The following IQGAP2 variants were observed in gnomAD, a reference collection of about 807,000 sequenced individuals.
IQGAP2 encodes the protein ras GTPase-activating-like protein IQGAP2.
In IQGAP2, 173 loss-of-function variants were observed where a neutral mutation model predicts 201.3. The ratio of observed to expected loss-of-function variants is 0.86; its 90% confidence interval spans 0.76 to 0.98. IQGAP2 has a LOEUF of 0.98. Among genes scored for constraint, IQGAP2 ranks in the 50% least tolerant of loss-of-function variants. The pLI, the probability that IQGAP2 is intolerant of heterozygous loss-of-function variation, is 0.00. For missense variants in IQGAP2, 1,687 were observed against 1,864.8 expected, an observed-to-expected ratio of 0.90 and a Z score of 1.76; for synonymous variants, 675 against 673.9, an observed-to-expected ratio of 1.00 and a Z score of -0.03.
chr5:76,583,713 A>G (rs1441036286), intron 5 of IQGAP2, among the ~76,000 whole-genome samples: 1 of 152,220 alleles, frequency 6.6e-6, no homozygotes, highest in Non-Finnish European at 1.5e-5. Flanking sequence ...ACATTGTACA[A>G]TGGAGAAATT....
At chr5:76,699,077 A>C (rs1747017446) in intron 33 of IQGAP2, among the ~76,000 whole-genome samples, 2 of 152,188 alleles carry the variant, frequency 1.3e-5, no homozygotes, top group Non-Finnish European at 2.9e-5. Context: ...TCAAAAAAAA[A>C]CTGATTCCTC....
At chr5:76,405,918 T>C (rs891986177) in intron 1 of IQGAP2, among the ~76,000 whole-genome samples, 1 of 152,248 alleles carries the variant, frequency 6.6e-6, no homozygotes, top group Non-Finnish European at 1.5e-5. Flanking sequence ...CATTTAAAAA[T>C]AAAGTAGCAA....
At chr5:76,508,937 G>C (rs1381017616) in intron 2 of IQGAP2, among the ~76,000 whole-genome samples, 1 of 151,934 alleles carries the variant, frequency 6.6e-6, no homozygotes, top group Non-Finnish European at 1.5e-5. Context: ...TAAGTATCCT[G>C]ATCCTCTCGG....
At chr5:76,654,153 TTC>T in intron 18 of IQGAP2, 45 bp from the exon 19 acceptor site, 1 of 1,338,890 alleles carries the variant, frequency 7.5e-7, no homozygotes, top group Non-Finnish European at 1.1e-6. Context: ...ACTTTGACTT[TTC>T]TCTTTATTTT....
chr5:76,675,444 G>A (rs1323757864), intron 27 of IQGAP2, among the ~76,000 whole-genome samples: 1 of 152,196 alleles, frequency 6.6e-6, no homozygotes, highest in African/African-American at 2.4e-5. Context: ...ATGTGAATAT[G>A]TTCTGTTCTA....
At chr5:76,591,194 G>A (rs1726003988) in intron 8 of IQGAP2, among the ~76,000 whole-genome samples, 1 of 152,180 alleles carries the variant, frequency 6.6e-6, no homozygotes, top group Non-Finnish European at 1.5e-5. Context: ...TGTAGAAGTA[G>A]CAACTCATGA....
At chr5:76,610,076 C>CTCTCTCTCTCTATATA (rs1326468006) in intron 12 of IQGAP2, among the ~76,000 whole-genome samples, 1 of 18,700 alleles carries the variant, frequency 5.3e-5, no homozygotes, top group Non-Finnish European at 9.6e-5. Context: ...CTCTCTCTCT[C>CTCTCTCTCTCTATATA]TATATATATA....
chr5:76,606,244 G>T lies in IQGAP2; in HGVS notation c.1298G>T (p.Trp433Leu). The T allele has an allele frequency of 6.2e-7, 1 of 1,604,492 alleles. No homozygotes were observed. The highest frequency in any genetic ancestry group is 2.2e-5 in the East Asian group (1 of 44,604). The change falls in exon 12 of 36, where the codon TGG becomes TTG. Residue 433 changes from tryptophan (W) to leucine (L), a missense_variant. Coordinates refer to ENST00000274364, the MANE Select transcript of IQGAP2 (RefSeq NM_006633.5). ...VLSQGQDNLSWNEIQNCIDMV... is the reference protein window; with the variant it reads ...VLSQGQDNLSLNEIQNCIDMV... ...TCCCAAGGGCAAGATAACTTAAGCT[G>T]GAATGAAATTCAGAATTGTATTGAT...
At chr5:76,628,858 G>T (rs1047204130) in intron 14 of IQGAP2, 4 of 331,908 alleles carry the variant, frequency 1.2e-5, no homozygotes, top group Non-Finnish European at 2.4e-5. Context: ...GTGTATATAA[G>T]AAATTTCAAC....
intron 2 of IQGAP2, among the ~76,000 whole-genome samples, chr5:76,553,910 T>C (rs2150240058): frequency 6.6e-6 from 1 of 152,306 alleles, no homozygotes; most frequent in East Asian, 1.9e-4. Flanking sequence ...TTTCTGTGGA[T>C]TTTTAGGCCA....
At chr5:76,596,689 A>G (rs935032180) in intron 9 of IQGAP2, among the ~76,000 whole-genome samples, 2 of 152,192 alleles carry the variant, frequency 1.3e-5, no homozygotes, top group Non-Finnish European at 2.9e-5. Flanking sequence ...AGCAGGAGGA[A>G]TAGAGAGAAG....
chr5:76,564,379 G>T (rs1019619181), intron 3 of IQGAP2, among the ~76,000 whole-genome samples: 7 of 152,184 alleles, frequency 4.6e-5, no homozygotes, highest in Non-Finnish European at 1.0e-4. Context: ...AAGCGTAGTT[G>T]GGGTAGGCTC....
chr5:76,665,265 C>G, intron 22 of IQGAP2, 90 bp downstream of exon 22: 2 of 1,097,458 alleles, frequency 1.8e-6, no homozygotes, highest in Non-Finnish European at 2.7e-6. Context: ...CATGCTTCAG[C>G]TATAATAGCA....
rs191977459 is a variant in IQGAP2, at chr5:76,603,221, C to T, written c.1232+2249C>T. Among the ~76,000 whole-genome samples, 3 of 152,264 alleles carry T rather than the reference C, an allele frequency of 2.0e-5. No individual in the cohort carries two copies. In the East Asian group the frequency reaches 5.8e-4, roughly 29 times the overall value. On this transcript the variant is annotated intron_variant, in intron 11 of 35. Transcript: ENST00000274364. Reference sequence around the variant, plus strand: ...CCATCAGGAACTTGGTGCCTTTACCCAGCTCAGCTAAACACAGTATTGGAG... The same window carrying T: ...CCATCAGGAACTTGGTGCCTTTACCTAGCTCAGCTAAACACAGTATTGGAG...
intron 35 of IQGAP2, 88 bp downstream of exon 35, chr5:76,702,678 A>G (rs1747513187): frequency 1.8e-6 from 1 of 558,876 alleles, no homozygotes; most frequent in South Asian, 2.8e-5. Flanking sequence ...TCAGGACAAC[A>G]ATAAAGTTTA....
intron 17 of IQGAP2, among the ~76,000 whole-genome samples, chr5:76,651,886 T>G (rs463147): frequency 0.5 from 76,132 of 151,950 alleles, 19,524 homozygotes; most frequent in Non-Finnish European, 0.56. Context: ...AAAATTTCAT[T>G]TACCCTTTTT....
intron 20 of IQGAP2, 30 bp downstream of exon 20, chr5:76,655,033 G>T (rs1253045291): frequency 6.5e-7 from 1 of 1,539,684 alleles, no homozygotes. Context: ...AACAAAGCAA[G>T]GATTTTTTAT....
chr5:76,592,770 C>T, intron 8 of IQGAP2, 68 bp from the exon 9 acceptor site: 4 of 1,019,460 alleles, frequency 3.9e-6, no homozygotes, highest in Non-Finnish European at 6.1e-6. Flanking sequence ...CACATTTTTC[C>T]ATTTGAATTT....
At chr5:76,625,325 C>G (rs968763623) in intron 13 of IQGAP2, among the ~76,000 whole-genome samples, 2 of 152,076 alleles carry the variant, frequency 1.3e-5, no homozygotes, top group African/African-American at 4.8e-5. Flanking sequence ...AGGCAAATAC[C>G]CTTCAAAAGA....
Sources: allele counts gnomAD v4.1 joint callset (sites outside exome capture counted in the v4.1 genomes callset), GRCh38; gene constraint gnomAD v4.1.1; transcripts MANE v1.5; gene names NCBI Gene and HGNC (gene_info 2026-07-23, HGNC 2026-07-21).